GPC4: variants seen among roughly 807,000 people sequenced by gnomAD.
GPC4 encodes the protein glypican-4.
A neutral mutation model predicts 35.0 loss-of-function variants in GPC4; 10 were observed. The ratio of observed to expected loss-of-function variants is 0.29; its 90% CI spans 0.18 to 0.48. The LOEUF (loss-of-function observed/expected upper bound fraction) is 0.48, where lower values mean the gene tolerates loss of function less well. Ranked by LOEUF, GPC4 falls within the 20% of genes least tolerant of loss-of-function variation. The pLI is 0.99. For missense variants in GPC4, 322 were observed against 451.3 expected, an observed-to-expected ratio of 0.71 and a Z score of 2.60; for synonymous variants, 167 against 170.2, an observed-to-expected ratio of 0.98 and a Z score of 0.15.
At chrX:133,340,737 C>T (rs1361711522) in intron 1 of GPC4, among the ~76,000 whole-genome samples, 1 of 111,953 alleles carries the variant, frequency 8.9e-6, no homozygotes, top group Non-Finnish European at 1.9e-5. Context: ...ATTTATTTGA[C>T]TAACACTAGA....
intron 7 of GPC4, 38 bp from the exon 8 acceptor site, chrX:133,303,379 A>T (rs111998605): frequency 2.6e-6 from 3 of 1,134,821 alleles, no homozygotes. Flanking sequence ...TGATTCGTAA[A>T]GCGAAAAGAT....
intron 1 of GPC4, among the ~76,000 whole-genome samples, chrX:133,375,730 G>C (rs2068630439): frequency 9.0e-6 from 1 of 111,447 alleles, no homozygotes; most frequent in African/African-American, 3.3e-5. Context: ...TTTTAAGAAT[G>C]ACAAATGCTA....
intron 3 of GPC4, among the ~76,000 whole-genome samples, chrX:133,314,667 G>GA (rs1165460096): frequency 1.3e-4 from 15 of 111,172 alleles, no homozygotes; most frequent in South Asian, 1.1e-3. Flanking sequence ...TCAAAGTTAG[G>GA]AAAAAAAATC....
At chrX:133,310,498 T>G (rs911818652) in intron 4 of GPC4, among the ~76,000 whole-genome samples, 5 of 111,697 alleles carry the variant, frequency 4.5e-5, no homozygotes, top group African/African-American at 1.3e-4. Context: ...TCATTTACAT[T>G]GCTGTCTGGG....
At chrX:133,334,678 C>T (rs1205927849) in intron 2 of GPC4, among the ~76,000 whole-genome samples, 1 of 111,428 alleles carries the variant, frequency 9.0e-6, no homozygotes, top group Non-Finnish European at 1.9e-5. Flanking sequence ...ATTTAATTGC[C>T]CCAGGTCACA....
chrX:133,349,043 T>A (rs2068505571), intron 1 of GPC4, among the ~76,000 whole-genome samples: 1 of 112,190 alleles, frequency 8.9e-6, no homozygotes, highest in Admixed American at 9.4e-5. Context: ...TGGTGAGGAC[T>A]TTTTTTCCCT....
Position 133,300,717 on chromosome X carries a change from A to G in GPC4, c.*2150T>C, listed in dbSNP as rs1007431145. Reference sequence around the variant, plus strand: ...TTGGAAAATGTTATTGGTTTAGAGAATTTGACTGGAAGAAAACAGCTGGGC... The same window carrying G: ...TTGGAAAATGTTATTGGTTTAGAGAGTTTGACTGGAAGAAAACAGCTGGGC... On this transcript the variant is annotated 3_prime_UTR_variant, in exon 9 of 9. Coordinates refer to ENST00000370828, the MANE Select transcript of GPC4 (RefSeq NM_001448.3). The G allele has an allele frequency of 8.9e-6, 1 of 112,359 alleles. No homozygotes were observed. The highest frequency in any genetic ancestry group is 1.9e-5 in the Non-Finnish European group (1 of 53,268). The allele number at this position is 112,359 out of a possible 1,213,427, so 9.3% of individuals were successfully genotyped here.
rs146435769 is a variant in GPC4, at chrX:133,333,657, G to T, written c.319+5526C>A. ...AAATAGAATCATAAAGGAAAGAGTA[G>T]CAGTGCTTTCAAACTAAATCGGAGA... On this transcript the variant is annotated intron_variant, in intron 2 of 8. Coordinates refer to ENST00000370828, the MANE Select transcript of GPC4 (RefSeq NM_001448.3). Among the ~76,000 whole-genome samples the T allele has an allele frequency of 2.8e-3, 314 of 112,663 alleles. 1 individual carries two copies. The highest frequency in any genetic ancestry group is 9.5e-3 in the African/African-American group (295 of 31,034).
At chrX:133,361,035 A>G (rs1356428087) in intron 1 of GPC4, among the ~76,000 whole-genome samples, 1 of 112,038 alleles carries the variant, frequency 8.9e-6, no homozygotes, top group Non-Finnish European at 1.9e-5. Flanking sequence ...AAAATCTCTT[A>G]CTCATAACAT....
At chrX:133,322,581 T>C (rs1260529372) in intron 3 of GPC4, among the ~76,000 whole-genome samples, 8 of 108,814 alleles carry the variant, frequency 7.4e-5, no homozygotes, top group Middle Eastern at 4.8e-3. Context: ...GTGACACCTG[T>C]TGTCTGTGAA....
intron 1 of GPC4, among the ~76,000 whole-genome samples, chrX:133,364,211 A>T (rs1227224465): frequency 8.9e-6 from 1 of 112,042 alleles, no homozygotes; most frequent in Admixed American, 9.5e-5. Context: ...CTTTTAGAAC[A>T]CTAAAATCTC....
At chrX:133,341,872 A>T (rs1014398572) in intron 1 of GPC4, among the ~76,000 whole-genome samples, 1 of 109,150 alleles carries the variant, frequency 9.2e-6, no homozygotes, top group Non-Finnish European at 1.9e-5. Context: ...TTTCCTAGTA[A>T]CCTGGTCCGA....
At chrX:133,346,606 T>C (rs2068492163) in intron 1 of GPC4, among the ~76,000 whole-genome samples, 1 of 110,906 alleles carries the variant, frequency 9.0e-6, no homozygotes, top group Non-Finnish European at 1.9e-5. Flanking sequence ...ACTAAGGAAA[T>C]CAAACAAAAA....
chrX:133,381,656 T>C (rs1207695107), intron 1 of GPC4, among the ~76,000 whole-genome samples: 1 of 112,706 alleles, frequency 8.9e-6, no homozygotes, highest in Non-Finnish European at 1.9e-5. Flanking sequence ...AATATTTGTG[T>C]ATTTCTTAAC....
intron 3 of GPC4, among the ~76,000 whole-genome samples, chrX:133,323,305 C>T (rs1489820558): frequency 9.0e-6 from 1 of 111,219 alleles, no homozygotes; most frequent in African/African-American, 3.3e-5. Flanking sequence ...ATGGTGAAAC[C>T]CCGTCTCTAC....
chrX:133,375,760 G>A (rs2068630572), intron 1 of GPC4, among the ~76,000 whole-genome samples: 2 of 111,548 alleles, frequency 1.8e-5, no homozygotes, highest in African/African-American at 6.5e-5. Context: ...AGCATGTGGT[G>A]CCTCTAACTT....
chrX:133,362,557 G>A (rs1476686906), intron 1 of GPC4, among the ~76,000 whole-genome samples: 1 of 111,332 alleles, frequency 9.0e-6, no homozygotes, highest in African/African-American at 3.3e-5. Flanking sequence ...CTGATATTTG[G>A]GGATCATTTC....
chrX:133,345,938 G>C (rs2068489860), intron 1 of GPC4, among the ~76,000 whole-genome samples: 1 of 111,849 alleles, frequency 8.9e-6, no homozygotes, highest in Non-Finnish European at 1.9e-5. Flanking sequence ...GAAAATTAAA[G>C]TACACTCCAC....
chrX:133,343,832 A>C (rs1023028392), intron 1 of GPC4, among the ~76,000 whole-genome samples: 2 of 111,627 alleles, frequency 1.8e-5, no homozygotes, highest in Non-Finnish European at 3.8e-5. Flanking sequence ...ATCACAATAA[A>C]TTACTCTCAA....
Sources: gnomAD v4.1 joint callset for allele counts (sites outside exome capture counted in the v4.1 genomes callset) on GRCh38, gnomAD v4.1.1 for gene constraint, MANE v1.5 for transcripts, NCBI Gene and HGNC (gene_info 2026-07-23, HGNC 2026-07-21) for gene names.